PLK3: variants seen among roughly 807,000 people sequenced by gnomAD.
The protein encoded by PLK3 is serine/threonine-protein kinase PLK3.
Under a neutral mutation model 71.6 loss-of-function variants are expected in PLK3, and 41 were observed. The ratio of observed to expected loss-of-function variants is 0.57; its 90% CI spans 0.45 to 0.74. The LOEUF (loss-of-function observed/expected upper bound fraction) is 0.74. PLK3 is among the 30% of genes least tolerant of loss of function. The pLI is 0.00. For synonymous variants in PLK3, 366 were observed against 355.4 expected, an observed-to-expected ratio of 1.03 and a Z score of -0.33; for missense variants, 791 against 875.6, an observed-to-expected ratio of 0.90 and a Z score of 1.22.
At position 44,802,763 on chromosome 1, in the gene PLK3, C is replaced by T. The variant is rs1651873072; in HGVS notation, c.657C>T (p.Thr219=). 6.2e-7 allele frequency: 1 copy of T among 1,611,876 alleles called. No individual in the cohort carries two copies. The highest frequency in any genetic ancestry group is 1.7e-5 in the Admixed American group (1 of 59,984). The change falls in exon 6 of 15, where the codon ACC becomes ACT. Residue 219 remains threonine (T), a synonymous_variant. Coordinates refer to ENST00000372201, the MANE Select transcript of PLK3 (RefSeq NM_004073.4). ...CCTCCTCCCCACCCTCTTTCAGGAC[C>T]ATCTGTGGCACCCCCAACTATGTGG... The part of the protein sequence containing the change: ...RLEPPEQRKK[T]ICGTPNYVAP...
At chr1:44,802,728 A>G in intron 5 of PLK3, 32 bp from the exon 6 acceptor site, 2 of 1,502,766 alleles carry the variant, frequency 1.3e-6, no homozygotes, top group Non-Finnish European at 1.9e-6. Context: ...GCTGGGTCTC[A>G]GCCTTCTCTC....
chr1:44,803,241 C>T lies in PLK3; in HGVS notation c.949-27C>T. 1 of 1,613,312 alleles carries T rather than the reference C, an allele frequency of 6.2e-7. No homozygotes were observed. The highest frequency in any genetic ancestry group is 8.5e-7 in the Non-Finnish European group (1 of 1,179,410). On this transcript the variant is annotated intron_variant, in intron 7 of 14. Transcript: ENST00000372201. This position sits in a 1 kb window ranked among gnomAD's most constrained non-coding sequence, Gnocchi z 4.3. ...TGACAGGACCCCTGGAGCCTCTCTTCTCTGTTCACATGGTTCCCCTCCCTA... is the reference window on the plus strand; with the variant it reads ...TGACAGGACCCCTGGAGCCTCTCTTTTCTGTTCACATGGTTCCCCTCCCTA...
chr1:44,800,806 C>A lies in PLK3; in HGVS notation c.211-34C>A. On this transcript the variant is annotated intron_variant, in intron 1 of 14. Transcript: ENST00000372201. The surrounding 1 kb of genome is among the most constrained non-coding windows in gnomAD (Gnocchi z 6.5). ...CGCCCGCGGGCCAGACTCGGCCCCC[C>A]TGGAACAACCAGCCTGATGCCCCCT... 1 of 1,590,292 alleles carries A rather than the reference C, an allele frequency of 6.3e-7. No homozygotes were observed. The highest frequency in any genetic ancestry group is 1.1e-5 in the South Asian group (1 of 89,172).
Position 44,805,941 on chromosome 1 carries a change from T to C in PLK3, c.*263T>C. ...ATTGTCAGACACTTATTTATTGGGA[T>C]GTGAGCCCCAGGGGGGCCTCCTCCT... is the stretch of plus-strand genomic sequence containing the variant. On this transcript the variant is annotated 3_prime_UTR_variant, in exon 15 of 15. Transcript: ENST00000372201. The C allele has an allele frequency of 6.7e-7, 1 of 1,501,432 alleles. No homozygotes were observed. Among genetic ancestry groups the C allele is most frequent in the South Asian group, 1.4e-5 (1 of 73,468 alleles). The allele number at this position is 1,501,432 out of a possible 1,614,324, so 93.0% of individuals were successfully genotyped here. A position where few individuals can be genotyped will look rare whatever the true frequency, so the allele number is the denominator to read the frequency against.
At position 44,803,522 on chromosome 1, in the gene PLK3, G is replaced by A; in HGVS notation, c.1073-78G>A. 1 of 1,575,700 alleles carries A rather than the reference G, an allele frequency of 6.3e-7. No homozygotes were observed. Among genetic ancestry groups the A allele is most frequent in the Non-Finnish European group, 8.7e-7 (1 of 1,147,656 alleles). On this transcript the variant is annotated intron_variant, in intron 8 of 14. Transcript: ENST00000372201. The surrounding 1 kb of genome is among the most constrained non-coding windows in gnomAD (Gnocchi z 4.3). The stretch of plus-strand genomic sequence containing the variant: ...ATGTGCAGTACAGGCACTTGGGGAG[G>A]CCAATCTCTGTGTCATCCCTGTCGG...
rs766506176 is a variant in PLK3 at position 44,800,678 on chromosome 1, G to GC, written c.210+7dup. ...AAAGGCCGCTTGTTGGGCAAGGTGG[G>GC]CCGAGGGACGTCCGCGGGGTGGTGA... is the stretch of plus-strand genomic sequence containing the variant. On this transcript the variant is annotated splice_donor_region_variant and intron_variant, in intron 1 of 14. Transcript: ENST00000372201. The surrounding 1 kb of genome is among the most constrained non-coding windows in gnomAD (Gnocchi z 6.5). The GC allele has an allele frequency of 5.8e-6, 9 of 1,551,812 alleles. No homozygotes were observed. The highest frequency in any genetic ancestry group is 7.8e-6 in the Non-Finnish European group (9 of 1,153,370).
Position 44,803,076 on chromosome 1 carries a change from C to A in PLK3, c.871C>A (p.Leu291Met), listed in dbSNP as rs188046735. ...CCTCTCACTGCCTGCCCGGCAGCTC[C>A]TGGCCGCCATCCTTCGGGCCTCACC... ...ASLSLPARQL[L>M]AAILRASPRD... Residue 291 changes from leucine to methionine, a missense_variant, in exon 7 of 15, where the codon CTG (leucine) becomes ATG (methionine). Transcript: ENST00000372201. The surrounding 1 kb of genome is among the most constrained non-coding windows in gnomAD (Gnocchi z 4.3). 7 of 1,613,980 alleles carry A rather than the reference C, an allele frequency of 4.3e-6. No homozygotes were observed. In the Admixed American group the frequency reaches 1.2e-4, roughly 27 times the overall value.
At position 44,801,069 on chromosome 1, in the gene PLK3, C is replaced by T; in HGVS notation, c.352C>T (p.Gln118Ter). ...TGAGATTGAGCTGCACCGAGACCTG[C>T]AGCACCGCCACATCGTGCGTTTTTC... ...LNEIELHRDLQHRHIVRFSHH... is the reference protein window; with the variant it reads ...LNEIELHRDL Residue 118 changes from glutamine to a stop codon, truncating the protein, a stop_gained, in exon 3 of 15, where the codon CAG becomes TAG. Transcript: ENST00000372201. LOFTEE classifies it high-confidence loss of function. The T allele has an allele frequency of 1.2e-6, 2 of 1,613,790 alleles. No homozygotes were observed. Among genetic ancestry groups the T allele is most frequent in the South Asian group, 2.2e-5 (2 of 91,070 alleles).
chr1:44,804,203 A>G lies in PLK3; in HGVS notation c.1299A>G (p.Ser433=), dbSNP rs778016914. 8.7e-6 allele frequency: 14 copies of G among 1,613,970 alleles called. No homozygotes were observed. The highest frequency in any genetic ancestry group is 6.7e-5 in the Admixed American group (4 of 60,000). ...TGACTGTGGCCACAGTAGTGGAGTC[A>G]GCCCTTTGTGCTCTGAGAAATTGTA... is the stretch of plus-strand genomic sequence containing the variant. ...EGLTVATVVE[S]ALCALRNCIA... Residue 433 remains serine, a synonymous_variant, in exon 11 of 15, where the codon TCA becomes TCG. Transcript: ENST00000372201.
chr1:44,804,558 C>G (rs545210668), intron 12 of PLK3, 57 bp downstream of exon 12: 3 of 1,604,958 alleles, frequency 1.9e-6, no homozygotes, highest in Admixed American at 3.3e-5. Context: ...AGGGCCGCAC[C>G]CTCGTGAGTG....
Position 44,803,998 on chromosome 1 carries a change from G to C in PLK3, c.1232G>C (p.Arg411Pro). The C allele has an allele frequency of 2.6e-6, 4 of 1,554,504 alleles. No homozygotes were observed. The highest frequency in any genetic ancestry group is 3.5e-6 in the Non-Finnish European group (4 of 1,147,768). ...VETAPEDSSPRGTLASSGDGF... is the reference protein window; with the variant it reads ...VETAPEDSSPPGTLASSGDGF... ...ACAGCACCTGAAGACAGCTCACCCC[G>C]TGGGACACTGGCAAGCAGTGGAGAT... The change falls in exon 10 of 15, where the codon CGT becomes CCT. Residue 411 changes from arginine (R) to proline (P), a missense_variant. Transcript: ENST00000372201. This position sits in a 1 kb window ranked among gnomAD's most constrained non-coding sequence, Gnocchi z 4.3.
At chr1:44,804,824 G>C in intron 13 of PLK3, 45 bp downstream of exon 13, 1 of 1,599,250 alleles carries the variant, frequency 6.3e-7, no homozygotes, top group East Asian at 2.2e-5. Flanking sequence ...AACCCATCCT[G>C]GCCGGGTGCG....
rs1652014525 is a variant in PLK3, at chr1:44,805,743, C to T, written c.*65C>T. ...TCTGGCCCTTGCCTTTGTGGCCTTC[C>T]CCCTTCCTTTGGTGCCTCACTGGGG... is the stretch of plus-strand genomic sequence containing the variant. On this transcript the variant is annotated 3_prime_UTR_variant, in exon 15 of 15. Coordinates refer to ENST00000372201, the MANE Select transcript of PLK3 (RefSeq NM_004073.4). The T allele has an allele frequency of 3.3e-6, 5 of 1,521,932 alleles. No individual in the cohort carries two copies. The Middle Eastern group carries it at 5.4e-4, about 164-fold the overall frequency. 94.3% of individuals were successfully genotyped at this position (1,521,932 alleles called of 1,614,324 possible).
rs1310266513 is a variant in PLK3 at position 44,801,051 on chromosome 1, G to A, written c.334G>A (p.Glu112Lys). 1 of 1,613,730 alleles carries A rather than the reference G, an allele frequency of 6.2e-7. No individual in the cohort carries two copies. Among genetic ancestry groups the A allele is most frequent in the Non-Finnish European group, 8.5e-7 (1 of 1,179,870 alleles). The change falls in exon 3 of 15, where the codon GAG (glutamate) becomes AAG (lysine). Residue 112 changes from glutamate to lysine, a missense_variant. Coordinates refer to ENST00000372201, the MANE Select transcript of PLK3 (RefSeq NM_004073.4). ...CTCATCGCAGATCCTAAATGAGATT[G>A]AGCTGCACCGAGACCTGCAGCACCG... ...HQREKILNEIELHRDLQHRHI... is the reference protein window; with the variant it reads ...HQREKILNEIKLHRDLQHRHI...
Position 44,803,160 on chromosome 1 carries a change from G to A in PLK3, c.948+7G>A, listed in dbSNP as rs372998134. On this transcript the variant is annotated splice_region_variant and intron_variant, in intron 7 of 14. Coordinates refer to ENST00000372201, the MANE Select transcript of PLK3 (RefSeq NM_004073.4). The surrounding 1 kb of genome is among the most constrained non-coding windows in gnomAD (Gnocchi z 4.3). ...CCATGACTTCTTTACCAAGGTCTGTGGCTCCCCAGACCTCTAAGTCCATCT... is the reference window on the plus strand; with the variant it reads ...CCATGACTTCTTTACCAAGGTCTGTAGCTCCCCAGACCTCTAAGTCCATCT... 31 of 1,613,766 alleles carry A rather than the reference G, an allele frequency of 1.9e-5. No homozygotes were observed. The highest frequency in any genetic ancestry group is 2.4e-5 in the Non-Finnish European group (28 of 1,179,936).
intron 13 of PLK3, 123 bp downstream of exon 13, chr1:44,804,902 G>A (rs1400135566): frequency 6.0e-5 from 52 of 869,776 alleles, no homozygotes; most frequent in Non-Finnish European, 7.7e-5. Flanking sequence ...TCAGGAGATC[G>A]AGACCATCCT....
At chr1:44,804,827 C>T (rs753842287) in intron 13 of PLK3, 48 bp downstream of exon 13, 26 of 1,595,860 alleles carry the variant, frequency 1.6e-5, no homozygotes, top group Admixed American at 8.4e-5. Flanking sequence ...CCATCCTGGC[C>T]GGGTGCGGTG....
chr1:44,801,488 G>A (rs913407209), intron 3 of PLK3, 134 bp from the exon 4 acceptor site: 3 of 947,254 alleles, frequency 3.2e-6, no homozygotes, highest in South Asian at 1.6e-5. Context: ...GATTACAGGC[G>A]TGAGCCACTA....
At chr1:44,802,658 G>T (rs1651869806) in intron 5 of PLK3, 102 bp from the exon 6 acceptor site, 11 of 815,966 alleles carry the variant, frequency 1.3e-5, no homozygotes, top group Non-Finnish European at 2.1e-6. Flanking sequence ...TCTGGCCTTT[G>T]GTGACAGGCA....
Sources: allele counts gnomAD v4.1 joint callset, GRCh38; gene constraint gnomAD v4.1.1; non-coding constraint Gnocchi (gnomAD v3.1); transcripts MANE v1.5; gene names NCBI Gene and HGNC (gene_info 2026-07-23, HGNC 2026-07-21).